The following ARHGAP44 variants were observed in gnomAD, a reference collection of about 807,000 sequenced individuals.
ARHGAP44 encodes rho GTPase-activating protein 44.
ARHGAP44 carries 43 observed loss-of-function variants against 106.8 expected under a neutral mutation model. That is an observed-to-expected ratio of 0.40 (90% CI 0.32 to 0.52). The LOEUF (loss-of-function observed/expected upper bound fraction) is 0.52, where lower values mean the gene tolerates loss of function less well. Ranked by LOEUF, ARHGAP44 falls within the 20% of genes least tolerant of loss-of-function variation. The pLI, the probability that ARHGAP44 is intolerant of heterozygous loss-of-function variation, is 0.48. For synonymous variants in ARHGAP44, 439 were observed against 410.3 expected (o/e 1.07, Z -0.85); for missense variants, 866 against 1,050.5 (o/e 0.82, Z 2.43).
intron 1 of ARHGAP44, among the ~76,000 whole-genome samples, chr17:12,873,679 C>T (rs1339568253): frequency 2.0e-5 from 3 of 152,158 alleles, no homozygotes; most frequent in Non-Finnish European, 4.4e-5. Flanking sequence ...AGATGGATCA[C>T]CTGAGGTCAG....
At chr17:12,884,742 G>A (rs1231469756) in intron 1 of ARHGAP44, among the ~76,000 whole-genome samples, 1 of 152,066 alleles carries the variant, frequency 6.6e-6, no homozygotes, top group Non-Finnish European at 1.5e-5. Flanking sequence ...CCGTCCCTAT[G>A]ACTTAGCTTT....
intron 4 of ARHGAP44, among the ~76,000 whole-genome samples, chr17:12,914,100 C>T (rs1206292181): frequency 6.6e-6 from 1 of 151,722 alleles, no homozygotes; most frequent in Non-Finnish European, 1.5e-5. Context: ...TATGAAGTTC[C>T]TACAAATAAA....
intron 1 of ARHGAP44, among the ~76,000 whole-genome samples, chr17:12,843,651 CTT>C (rs146749216): frequency 0.02 from 1,938 of 97,098 alleles, 19 homozygotes; most frequent in African/African-American, 0.084. Flanking sequence ...GTATTGGTTA[CTT>C]TTTTTTTTTT....
At chr17:12,860,065 A>T (rs2036024231) in intron 1 of ARHGAP44, among the ~76,000 whole-genome samples, 1 of 152,186 alleles carries the variant, frequency 6.6e-6, no homozygotes, top group South Asian at 2.1e-4. Context: ...GCTGGACTCC[A>T]AGTAGTTGGT....
rs537223412 is a variant in ARHGAP44 at position 12,828,702 on chromosome 17, C to T, written c.53+38811C>T. Among the ~76,000 whole-genome samples, 559 of 134,336 alleles carry T rather than the reference C, an allele frequency of 4.2e-3. 6 individuals carry two copies. Among genetic ancestry groups the T allele is most frequent in the African/African-American group, 0.016 (540 of 33,486 alleles). The allele number at this position is 134,336 out of a possible 152,430, so 88.1% of individuals were successfully genotyped here. A position where few individuals can be genotyped will look rare whatever the true frequency, so the allele number is the denominator to read the frequency against. ...TGTCACTCAGGCTGCAGTGCAGTGG[C>T]GCCATCTTGGCTCACTGCAAGCTCC... On this transcript the variant is annotated intron_variant, in intron 1 of 20. Transcript: ENST00000379672.
intron 19 of ARHGAP44, among the ~76,000 whole-genome samples, chr17:12,981,839 G>A (rs992852640): frequency 7.9e-5 from 12 of 151,928 alleles, no homozygotes; most frequent in Admixed American, 2.0e-4. Context: ...GGTGAAACCC[G>A]TCTCTACTAA....
chr17:12,925,171 T>A (rs2038195847), intron 6 of ARHGAP44, among the ~76,000 whole-genome samples: 1 of 152,194 alleles, frequency 6.6e-6, no homozygotes, highest in Admixed American at 6.5e-5. Flanking sequence ...CTATGAGCCC[T>A]CTTCCTTTTG....
intron 13 of ARHGAP44, among the ~76,000 whole-genome samples, chr17:12,953,019 G>A (rs2039035617): frequency 6.6e-6 from 1 of 152,148 alleles, no homozygotes; most frequent in Non-Finnish European, 1.5e-5. Context: ...TCAGTTAAAG[G>A]AGCAAAGATG....
chr17:12,870,246 C>A (rs2036371800), intron 1 of ARHGAP44, among the ~76,000 whole-genome samples: 1 of 152,052 alleles, frequency 6.6e-6, no homozygotes. Flanking sequence ...GACAGGGTCT[C>A]ATCATGTTCC....
chr17:12,888,556 T>G (rs1598002425), intron 1 of ARHGAP44, among the ~76,000 whole-genome samples: 1 of 152,184 alleles, frequency 6.6e-6, no homozygotes, highest in East Asian at 1.9e-4. Context: ...TAACATATAT[T>G]CTGCTCATGT....
At chr17:12,822,254 A>T (rs2034792401) in intron 1 of ARHGAP44, among the ~76,000 whole-genome samples, 1 of 152,238 alleles carries the variant, frequency 6.6e-6, no homozygotes. Context: ...TCGAGTTATA[A>T]TCATGGATAT....
At chr17:12,809,619 G>T (rs1399834130) in intron 1 of ARHGAP44, among the ~76,000 whole-genome samples, 1 of 152,148 alleles carries the variant, frequency 6.6e-6, no homozygotes, top group Non-Finnish European at 1.5e-5. Flanking sequence ...GGAATTATGG[G>T]AGCTACAATC....
At chr17:12,947,229 C>T (rs1044615029) in intron 10 of ARHGAP44, among the ~76,000 whole-genome samples, 3 of 152,218 alleles carry the variant, frequency 2.0e-5, no homozygotes, top group Non-Finnish European at 4.4e-5. Flanking sequence ...AACTGTCCTC[C>T]GGGATCCCCA....
intron 1 of ARHGAP44, among the ~76,000 whole-genome samples, chr17:12,846,298 C>T (rs2035568614): frequency 6.6e-6 from 1 of 152,062 alleles, no homozygotes; most frequent in Non-Finnish European, 1.5e-5. Flanking sequence ...AAAGTATAAG[C>T]ATTTCCCCAA....
At chr17:12,805,118 G>T (rs997724778) in intron 1 of ARHGAP44, among the ~76,000 whole-genome samples, 2 of 152,200 alleles carry the variant, frequency 1.3e-5, no homozygotes, top group Admixed American at 6.5e-5. Context: ...GTAGTGGGGG[G>T]TTGGAAGAGG....
At chr17:12,978,330 GT>G (rs1426744221) in intron 18 of ARHGAP44, among the ~76,000 whole-genome samples, 1 of 152,126 alleles carries the variant, frequency 6.6e-6, no homozygotes, top group Non-Finnish European at 1.5e-5. Flanking sequence ...AGGGTTTTCT[GT>G]TTCTGTTTTT....
At chr17:12,938,745 A>G (rs2038624664) in intron 7 of ARHGAP44, among the ~76,000 whole-genome samples, 1 of 152,220 alleles carries the variant, frequency 6.6e-6, no homozygotes, top group South Asian at 2.1e-4. Context: ...TTACCTTTAT[A>G]AAGAAAATTT....
intron 1 of ARHGAP44, among the ~76,000 whole-genome samples, chr17:12,829,517 C>A (rs981459939): frequency 2.0e-5 from 3 of 152,114 alleles, no homozygotes; most frequent in African/African-American, 7.2e-5. Flanking sequence ...TGCACCTCCT[C>A]ATTTAAACCT....
At chr17:12,957,995 G>C (rs1328448802) in intron 15 of ARHGAP44, among the ~76,000 whole-genome samples, 1 of 152,170 alleles carries the variant, frequency 6.6e-6, no homozygotes, top group Non-Finnish European at 1.5e-5. Context: ...GAGTTGCGTT[G>C]ATAACAGAGT....
Sources: gnomAD v4.1 joint callset for allele counts (sites outside exome capture counted in the v4.1 genomes callset) on GRCh38, gnomAD v4.1.1 for gene constraint, MANE v1.5 for transcripts, NCBI Gene and HGNC (gene_info 2026-07-23, HGNC 2026-07-21) for gene names.